The following RBPMS variants were observed in gnomAD, a reference collection of about 807,000 sequenced individuals.
RBPMS encodes RNA binding protein, mRNA processing factor.
RBPMS carries 7 observed loss-of-function variants against 26.8 expected under a neutral mutation model. The ratio of observed to expected loss-of-function variants is 0.26; its 90% CI spans 0.15 to 0.49. The LOEUF is 0.49. Ranked by LOEUF, RBPMS falls within the 20% of genes least tolerant of loss-of-function variation. The pLI is 0.98. For synonymous variants in RBPMS, 96 were observed against 93.3 expected (o/e 1.03, Z -0.17); for missense variants, 186 against 250.0 (o/e 0.74, Z 1.73).
chr8:30,563,400 C>A (rs1009030084), intron 7 of RBPMS, among the ~76,000 whole-genome samples: 2 of 152,226 alleles, frequency 1.3e-5, no homozygotes, highest in African/African-American at 4.8e-5. Context: ...GCTGCTGTCA[C>A]TCCTTACATG....
At position 30,391,760 on chromosome 8, in the gene RBPMS, A is replaced by G. The variant is rs1563279023; in HGVS notation, c.66+6602A>G. On this transcript the variant is annotated intron_variant, in intron 1 of 8. Transcript: ENST00000397323. ...GGAGGTCCTTGATATTATCTGAAAC[A>G]TGAAGCTGAGTAAAGGGGATATGTC... Among the ~76,000 whole-genome samples, 6 of 152,262 alleles carry G rather than the reference A, an allele frequency of 3.9e-5. No homozygotes were observed. In the South Asian group the frequency reaches 1.0e-3, roughly 26 times the overall value.
At chr8:30,433,394 T>C (rs190255484) in intron 1 of RBPMS, among the ~76,000 whole-genome samples, 1 of 152,236 alleles carries the variant, frequency 6.6e-6, no homozygotes, top group Non-Finnish European at 1.5e-5. Context: ...GGTTGTCATA[T>C]GTAGTTTGGA....
chr8:30,541,284 A>G (rs1825365703), intron 5 of RBPMS, among the ~76,000 whole-genome samples: 1 of 152,208 alleles, frequency 6.6e-6, no homozygotes, highest in Non-Finnish European at 1.5e-5. Context: ...TTAAACCTTC[A>G]TCAGACGCTC....
chr8:30,415,212 A>G (rs1199103291), intron 1 of RBPMS, among the ~76,000 whole-genome samples: 3 of 151,688 alleles, frequency 2.0e-5, no homozygotes, highest in Admixed American at 6.6e-5. Context: ...TGACTAATCC[A>G]TCACCAGATT....
In RBPMS at chr8:30,387,041, T is replaced by G. The variant is rs1000594900; in HGVS notation, c.66+1883T>G. On this transcript the variant is annotated intron_variant, in intron 1 of 8. Coordinates refer to ENST00000397323, the MANE Select transcript of RBPMS (RefSeq NM_001008710.3). ...GTCCTTGTGAGGTTGTGTATAATAA[T>G]CGCTGTATAATCGCGGGCCATTGCA... 3.3e-5 allele frequency: 5 copies of G among 152,174 alleles called. No homozygotes were observed. In the East Asian group the frequency reaches 9.6e-4, roughly 29 times the overall value. 9.4% of individuals were successfully genotyped at this position (152,174 alleles called of 1,614,324 possible).
chr8:30,536,526 C>T (rs551450559), intron 5 of RBPMS, among the ~76,000 whole-genome samples: 2 of 152,294 alleles, frequency 1.3e-5, no homozygotes, highest in Admixed American at 1.3e-4. Flanking sequence ...CATAACCATC[C>T]TTCTCCCTTG....
intron 2 of RBPMS, among the ~76,000 whole-genome samples, chr8:30,477,349 C>T (rs1817812200): frequency 6.6e-6 from 1 of 152,106 alleles, no homozygotes; most frequent in Non-Finnish European, 1.5e-5. Context: ...GCACCCAGCC[C>T]CAACTATATT....
chr8:30,478,099 G>A (rs1395245011), intron 3 of RBPMS, among the ~76,000 whole-genome samples: 1 of 152,044 alleles, frequency 6.6e-6, no homozygotes, highest in Non-Finnish European at 1.5e-5. Flanking sequence ...TGAAAATAGT[G>A]GTTTATTATT....
chr8:30,453,144 T>C (rs1814791608), intron 1 of RBPMS, among the ~76,000 whole-genome samples: 1 of 152,306 alleles, frequency 6.6e-6, no homozygotes, highest in African/African-American at 2.4e-5. Flanking sequence ...CCAACCTTAC[T>C]TAGAGTATCC....
chr8:30,475,417 A>G (rs1817583204), intron 2 of RBPMS, among the ~76,000 whole-genome samples: 1 of 152,240 alleles, frequency 6.6e-6, no homozygotes, highest in Non-Finnish European at 1.5e-5. Context: ...TGCCAAGAAG[A>G]AACCTTTTGA....
At chr8:30,513,738 T>C (rs1028737266) in intron 5 of RBPMS, among the ~76,000 whole-genome samples, 3 of 151,812 alleles carry the variant, frequency 2.0e-5, no homozygotes, top group African/African-American at 4.8e-5. Context: ...GTAAAGGGAG[T>C]TGATTTACTG....
rs148185331 is a variant in RBPMS, at chr8:30,510,453, C to T, written c.397+6017C>T. ...CAAAGTCACATAGCTCATTTTAAGGCGTGCTTGGCTCTAAAACTCATTGCT... is the reference window on the plus strand; with the variant it reads ...CAAAGTCACATAGCTCATTTTAAGGTGTGCTTGGCTCTAAAACTCATTGCT... On this transcript the variant is annotated intron_variant, in intron 5 of 8. Transcript: ENST00000397323. 6.7e-3 allele frequency among the ~76,000 whole-genome samples: 1,009 copies of T among 151,590 alleles called. 13 individuals carry two copies. Among genetic ancestry groups the T allele is most frequent in the Non-Finnish European group, 9.2e-3 (624 of 67,960 alleles).
At chr8:30,547,524 A>AC in intron 6 of RBPMS, 1 of 1,491,756 alleles carries the variant, frequency 6.7e-7, no homozygotes, top group African/African-American at 1.4e-5. Context: ...AATGAACTCA[A>AC]GTAGACTGCA....
chr8:30,508,907 T>G (rs938845136), intron 5 of RBPMS, among the ~76,000 whole-genome samples: 12 of 152,158 alleles, frequency 7.9e-5, no homozygotes, highest in African/African-American at 2.7e-4. Flanking sequence ...GGTGGAGGCA[T>G]TCAACACTTA....
chr8:30,484,345 CA>C (rs2150863040), intron 4 of RBPMS, among the ~76,000 whole-genome samples: 1 of 152,212 alleles, frequency 6.6e-6, no homozygotes, highest in African/African-American at 2.4e-5. Context: ...TTAGCAGGGA[CA>C]AGTAACATTT....
chr8:30,503,022 A>G (rs1166769205), intron 4 of RBPMS, among the ~76,000 whole-genome samples: 1 of 88,446 alleles, frequency 1.1e-5, no homozygotes. Flanking sequence ...TCTTCTCAGA[A>G]TGAGTGAGTC....
At chr8:30,482,718 G>T (rs371740657) in intron 4 of RBPMS, among the ~76,000 whole-genome samples, 1 of 152,036 alleles carries the variant, frequency 6.6e-6, no homozygotes, top group African/African-American at 2.4e-5. Flanking sequence ...GGTTATCTTT[G>T]GTCTCATTAA....
At chr8:30,425,926 C>CTGG (rs1811307548) in intron 1 of RBPMS, among the ~76,000 whole-genome samples, 1 of 152,170 alleles carries the variant, frequency 6.6e-6, no homozygotes, top group Non-Finnish European at 1.5e-5. Flanking sequence ...GTGATCAAGG[C>CTGG]TGGCCTTTGA....
At chr8:30,525,158 A>G (rs1293030744) in intron 5 of RBPMS, among the ~76,000 whole-genome samples, 1 of 152,208 alleles carries the variant, frequency 6.6e-6, no homozygotes, top group African/African-American at 2.4e-5. Context: ...AATTTTTAGT[A>G]GAAGTTAAAT....
Sources: gnomAD v4.1 joint callset for allele counts (sites outside exome capture counted in the v4.1 genomes callset) on GRCh38, gnomAD v4.1.1 for gene constraint, MANE v1.5 for transcripts, NCBI Gene and HGNC (gene_info 2026-07-23, HGNC 2026-07-21) for gene names.